NEK7: variants seen among roughly 807,000 people sequenced by gnomAD.
NEK7 encodes the protein NIMA related kinase 7, also known as serine/threonine-protein kinase Nek7.
Under a neutral mutation model 44.6 loss-of-function variants are expected in NEK7, and 18 were observed. The observed-to-expected ratio is 0.40, with a 90% CI of 0.28 to 0.60. The LOEUF is 0.60. Among genes scored for constraint, NEK7 ranks in the 20% least tolerant of loss-of-function variants. NEK7 has a pLI of 0.38. For missense variants in NEK7, 256 were observed against 366.5 expected (o/e 0.70, Z 2.46); for synonymous variants, 130 against 121.1 (o/e 1.07, Z -0.48).
Position 198,297,283 on chromosome 1 carries a change from G to A in NEK7, c.798+43G>A, listed in dbSNP as rs769954765. ...CACATGTTCTTCTGTTGTCCATTTTGCTAACATTTTTATTTTACCAAGAAA... is the reference window on the plus strand; with the variant it reads ...CACATGTTCTTCTGTTGTCCATTTTACTAACATTTTTATTTTACCAAGAAA... On this transcript the variant is annotated intron_variant, in intron 9 of 9. Coordinates refer to ENST00000367385, the MANE Select transcript of NEK7 (RefSeq NM_133494.3). 16 of 1,604,186 alleles carry A rather than the reference G, an allele frequency of 1.0e-5. No homozygotes were observed. The Admixed American group carries it at 1.0e-4, about 10-fold the overall frequency.
chr1:198,310,080 T>C (rs1313528906), intron 9 of NEK7, among the ~76,000 whole-genome samples: 1 of 151,994 alleles, frequency 6.6e-6, no homozygotes, highest in African/African-American at 2.4e-5. Context: ...AGTGTTCCTA[T>C]TTCTCCACAT....
intron 7 of NEK7, among the ~76,000 whole-genome samples, 164 bp downstream of exon 7, chr1:198,279,225 C>G (rs946118635): frequency 1.4e-5 from 2 of 141,276 alleles, no homozygotes; most frequent in African/African-American, 5.1e-5. Context: ...TATAAGGTTT[C>G]CTCTAATATG....
At chr1:198,230,155 A>G (rs1666344050) in intron 1 of NEK7, among the ~76,000 whole-genome samples, 1 of 152,190 alleles carries the variant, frequency 6.6e-6, no homozygotes, top group African/African-American at 2.4e-5. Flanking sequence ...GTCTTTGACC[A>G]GGAAACTTTT....
At chr1:198,186,045 G>A (rs749309990) in intron 1 of NEK7, among the ~76,000 whole-genome samples, 7 of 152,188 alleles carry the variant, frequency 4.6e-5, no homozygotes, top group Non-Finnish European at 1.0e-4. Context: ...CTATGCTGCA[G>A]CCCTTGACTA....
intron 1 of NEK7, chr1:198,198,104 T>A: frequency 2.3e-6 from 3 of 1,302,944 alleles, no homozygotes. Context: ...AGGTGGTGGG[T>A]GGGCAGGATT....
intron 1 of NEK7, among the ~76,000 whole-genome samples, chr1:198,168,528 ACAGACTTGGTGTAAAGTC>A (rs1311467534): frequency 6.6e-6 from 1 of 152,226 alleles, no homozygotes; most frequent in Non-Finnish European, 1.5e-5. Flanking sequence ...TGTTGACTGC[ACAGACTTGGTGTAAAGTC>A]AGTTTCAAAT....
intron 7 of NEK7, among the ~76,000 whole-genome samples, chr1:198,281,376 T>C (rs1321679845): frequency 1.3e-5 from 2 of 152,194 alleles, no homozygotes; most frequent in African/African-American, 4.8e-5. Flanking sequence ...ACAGTAGAAC[T>C]ATAGATTTTA....
intron 2 of NEK7, among the ~76,000 whole-genome samples, chr1:198,233,930 G>A (rs550839172): frequency 1.2e-4 from 18 of 152,004 alleles, no homozygotes; most frequent in East Asian, 3.9e-4. Context: ...CAACAAAGCC[G>A]TCTCTACCAT....
intron 4 of NEK7, 120 bp from the exon 5 acceptor site, chr1:198,264,005 C>G: frequency 1.0e-6 from 1 of 989,724 alleles, no homozygotes; most frequent in African/African-American, 1.7e-5. Flanking sequence ...AGTATACTGT[C>G]ATGTTAAGAT....
At chr1:198,314,641 TC>T (rs1188745213) in intron 9 of NEK7, among the ~76,000 whole-genome samples, 1 of 152,176 alleles carries the variant, frequency 6.6e-6, no homozygotes, top group East Asian at 1.9e-4. Context: ...TTGTTAGTTT[TC>T]CTTCTAACAG....
chr1:198,207,129 T>C (rs1016825281), intron 1 of NEK7: 1 of 152,148 alleles, frequency 6.6e-6, no homozygotes, highest in African/African-American at 2.4e-5. Context: ...ACAAATTCAG[T>C]AGGCAAATAT....
At chr1:198,172,288 A>G (rs886826363) in intron 1 of NEK7, among the ~76,000 whole-genome samples, 3 of 152,150 alleles carry the variant, frequency 2.0e-5, no homozygotes, top group Non-Finnish European at 2.9e-5. Flanking sequence ...TTAAAATGAA[A>G]TGAAATAAAG....
intron 1 of NEK7, among the ~76,000 whole-genome samples, chr1:198,227,463 G>A (rs1558066006): frequency 6.6e-6 from 1 of 152,152 alleles, no homozygotes; most frequent in Non-Finnish European, 1.5e-5. Context: ...CACAATGGTT[G>A]AACTAGTTTA....
At chr1:198,317,873 A>ATTTTTT (rs1410887023) in intron 9 of NEK7, among the ~76,000 whole-genome samples, 8 of 26,584 alleles carry the variant, frequency 3.0e-4, no homozygotes, top group Non-Finnish European at 4.7e-4. Flanking sequence ...TACTGGATAT[A>ATTTTTT]TTTATTTTTT....
intron 1 of NEK7, among the ~76,000 whole-genome samples, chr1:198,157,550 A>G (rs1558034502): frequency 2.0e-5 from 3 of 152,198 alleles, no homozygotes; most frequent in Non-Finnish European, 2.9e-5. Context: ...CGCGGTAACT[A>G]AGAAACTCCG....
chr1:198,302,671 CAT>C (rs754497054), intron 9 of NEK7, among the ~76,000 whole-genome samples: 263 of 152,158 alleles, frequency 1.7e-3, no homozygotes, highest in Middle Eastern at 6.8e-3. Context: ...GAGAGTATAA[CAT>C]ATTTATGTGG....
intron 1 of NEK7, among the ~76,000 whole-genome samples, chr1:198,212,301 G>A (rs1248133889): frequency 1.3e-5 from 2 of 152,204 alleles, no homozygotes; most frequent in South Asian, 2.1e-4. Context: ...GAGAGTCATC[G>A]CCTGAAAGCC....
chr1:198,195,751 G>A (rs1665211267), intron 1 of NEK7, among the ~76,000 whole-genome samples: 1 of 152,150 alleles, frequency 6.6e-6, no homozygotes, highest in Non-Finnish European at 1.5e-5. Flanking sequence ...CTTGAACCCG[G>A]GAGGCGGAAG....
chr1:198,290,944 G>T (rs140784387), intron 7 of NEK7, among the ~76,000 whole-genome samples: 115 of 152,258 alleles, frequency 7.6e-4, no homozygotes, highest in Non-Finnish European at 1.4e-3. Flanking sequence ...TACATTTTAA[G>T]TTTAGCTTAG....
Sources: gnomAD v4.1 joint callset for allele counts (sites outside exome capture counted in the v4.1 genomes callset) on GRCh38, gnomAD v4.1.1 for gene constraint, MANE v1.5 for transcripts, NCBI Gene and HGNC (gene_info 2026-07-23, HGNC 2026-07-21) for gene names.